NELL2: variants seen among roughly 807,000 people sequenced by gnomAD.
NELL2 encodes protein kinase C-binding protein NELL2.
NELL2 carries 41 observed loss-of-function variants against 109.6 expected under a neutral mutation model. The ratio of observed to expected loss-of-function variants is 0.37; its 90% CI spans 0.29 to 0.49. The LOEUF (loss-of-function observed/expected upper bound fraction) is 0.49. Ranked by LOEUF, NELL2 falls within the 20% of genes least tolerant of loss-of-function variation. The pLI is 0.98. For missense variants in NELL2, 900 were observed against 1,008.3 expected (o/e 0.89, Z 1.45); for synonymous variants, 355 against 344.7 (o/e 1.03, Z -0.33).
intron 1 of NELL2, chr12:44,913,650 G>T (rs552952695): frequency 5.5e-6 from 2 of 365,050 alleles, no homozygotes; most frequent in Non-Finnish European, 1.0e-5. Context: ...TATAAAATTC[G>T]TAAACGTTAA....
rs75294863 is a variant in NELL2 at position 44,808,578 on chromosome 12, A to G, written c.335+7408T>C. On this transcript the variant is annotated intron_variant, in intron 3 of 19. Coordinates refer to ENST00000429094, the MANE Select transcript of NELL2 (RefSeq NM_001145108.2). The stretch of plus-strand genomic sequence containing the variant: ...TTTGAAATTTTAATTTATAAATCCT[A>G]TTATCTTTAAAGTTATTTATTAAAT... Among the ~76,000 whole-genome samples, 961 of 152,080 alleles carry G rather than the reference A, an allele frequency of 6.3e-3. 10 individuals are homozygous for G. Among genetic ancestry groups the G allele is most frequent in the African/African-American group, 0.022 (904 of 41,508 alleles).
chr12:44,912,553 T>C (rs543198512), intron 1 of NELL2, among the ~76,000 whole-genome samples: 4 of 152,242 alleles, frequency 2.6e-5, no homozygotes, highest in African/African-American at 4.8e-5. Context: ...TGTGGGAATG[T>C]ATTCTGGAAA....
At chr12:44,918,513 A>ATG (rs1491464728), upstream of NELL2, among the ~76,000 whole-genome samples, 3,640 of 121,358 alleles carry the variant, frequency 0.03, 84 homozygotes, top group East Asian at 0.089. Flanking sequence ...TCATGCATGC[A>ATG]TGTATGTGTG....
chr12:44,810,247 T>G (rs1260504822), intron 3 of NELL2, among the ~76,000 whole-genome samples: 3 of 152,128 alleles, frequency 2.0e-5, no homozygotes, highest in Non-Finnish European at 4.4e-5. Context: ...TTTGCAAGTT[T>G]AATGCACAAT....
chr12:44,546,727 G>T (rs528526860), intron 15 of NELL2, among the ~76,000 whole-genome samples: 2 of 152,078 alleles, frequency 1.3e-5, no homozygotes, highest in Non-Finnish European at 2.9e-5. Flanking sequence ...CAGATCAGTT[G>T]TACAATCCAA....
At chr12:44,654,873 C>T (rs971666333) in intron 13 of NELL2, among the ~76,000 whole-genome samples, 5 of 152,108 alleles carry the variant, frequency 3.3e-5, no homozygotes, top group African/African-American at 9.7e-5. Context: ...CTCTGCTCCA[C>T]GGAGCACTCA....
At chr12:44,580,302 T>C (rs1944275437) in intron 15 of NELL2, among the ~76,000 whole-genome samples, 1 of 152,100 alleles carries the variant, frequency 6.6e-6, no homozygotes, top group African/African-American at 2.4e-5. Context: ...ATGGTGTCTG[T>C]TGAGATTAAG....
chr12:44,634,207 C>T lies in NELL2; in HGVS notation c.1445-23237G>A, dbSNP rs193233792. ...TAAATACATACTTTAAGTTCTGGGA[C>T]ACATGTGCAGAAGGTGCAGGTTTGT... is the stretch of plus-strand genomic sequence containing the variant. On this transcript the variant is annotated intron_variant, in intron 13 of 19. Coordinates refer to ENST00000429094, the MANE Select transcript of NELL2 (RefSeq NM_001145108.2). Among the ~76,000 whole-genome samples the T allele has an allele frequency of 1.8e-3, 277 of 151,944 alleles. 1 individual carries two copies. Among genetic ancestry groups the T allele is most frequent in the African/African-American group, 6.5e-3 (268 of 41,468 alleles).
intron 17 of NELL2, 134 bp downstream of exon 17, chr12:44,523,157 G>C (rs1266419000): frequency 3.3e-6 from 3 of 897,426 alleles, no homozygotes; most frequent in Non-Finnish European, 5.2e-6. Flanking sequence ...TAATGGAAGT[G>C]TTCTGTTATA....
chr12:44,679,999 T>G (rs189678258), intron 12 of NELL2, among the ~76,000 whole-genome samples: 2 of 152,292 alleles, frequency 1.3e-5, no homozygotes, highest in Non-Finnish European at 2.9e-5. Flanking sequence ...TAAATGATTG[T>G]CTTGTCATGC....
intron 9 of NELL2, among the ~76,000 whole-genome samples, chr12:44,739,837 C>G (rs1939853311): frequency 6.6e-6 from 1 of 152,066 alleles, no homozygotes; most frequent in South Asian, 2.1e-4. Flanking sequence ...CTGCAGTGAG[C>G]CAAGATTGCG....
intron 2 of NELL2, among the ~76,000 whole-genome samples, chr12:44,816,601 A>T (rs1406411140): frequency 6.6e-6 from 1 of 152,136 alleles, no homozygotes; most frequent in African/African-American, 2.4e-5. Flanking sequence ...CACCCTCCAC[A>T]TTGGTTTCTT....
intron 12 of NELL2, among the ~76,000 whole-genome samples, chr12:44,696,092 G>T (rs771098957): frequency 3.9e-5 from 6 of 152,176 alleles, no homozygotes; most frequent in Non-Finnish European, 7.4e-5. Context: ...CTGAAATGCA[G>T]AACAAGAAAG....
chr12:44,609,963 A>G lies in NELL2; in HGVS notation c.1567+885T>C, dbSNP rs372579790. On this transcript the variant is annotated intron_variant, in intron 14 of 19. Transcript: ENST00000429094. ...TGACATTATAAGGGATGTAAATGTT[A>G]TACTATGGGAGTTCACAGTTTCCAA... is the stretch of plus-strand genomic sequence containing the variant. Among the ~76,000 whole-genome samples, 369 of 152,116 alleles carry G rather than the reference A, an allele frequency of 2.4e-3. 2 individuals carry two copies. The highest frequency in any genetic ancestry group is 6.4e-3 in the South Asian group (31 of 4,832).
At position 44,520,027 on chromosome 12, in the gene NELL2, TCAGTGC is replaced by T. The variant is rs1412957714; in HGVS notation, c.2372_2377del (p.Gly791_Thr792del). 1.2e-6 allele frequency: 2 copies of T among 1,614,006 alleles called. No homozygotes were observed. Among genetic ancestry groups the T allele is most frequent in the Non-Finnish European group, 1.7e-6 (2 of 1,180,028 alleles). On this transcript the variant is annotated inframe_deletion, in exon 19 of 20. Transcript: ENST00000429094. ...TACCTTGCACTGGCAGAGAGTACAC[TCAGTGC>T]CATGTTTGATCCAAGAGGACCCGGT...
At chr12:44,519,899 G>GAAA in intron 19 of NELL2, 106 bp downstream of exon 19, 73 of 837,198 alleles carry the variant, frequency 8.7e-5, no homozygotes, top group East Asian at 1.7e-4. Flanking sequence ...AAATAAACAG[G>GAAA]AAAAAAAAAA....
intron 17 of NELL2, 69 bp from the exon 18 acceptor site, chr12:44,522,245 GCA>G: frequency 8.3e-7 from 1 of 1,207,290 alleles, no homozygotes; most frequent in East Asian, 2.5e-5. Context: ...ACACACACAC[GCA>G]CACACATTTC....
chr12:44,686,228 T>C lies in NELL2; in HGVS notation c.1318+17498A>G, dbSNP rs561601005. Among the ~76,000 whole-genome samples the C allele has an allele frequency of 1.2e-4, 19 of 152,332 alleles. No homozygotes were observed. The South Asian group carries it at 3.7e-3, about 30-fold the overall frequency. The stretch of plus-strand genomic sequence containing the variant: ...ACATCGGCTCCTGAGGCGTCTGCAT[T>C]CTTCACGTAGTTCTCGAGCCTTGGT... On this transcript the variant is annotated intron_variant, in intron 12 of 19. Coordinates refer to ENST00000429094, the MANE Select transcript of NELL2 (RefSeq NM_001145108.2).
At position 44,844,729 on chromosome 12, in the gene NELL2, A is replaced by C. The variant is rs1459628093; in HGVS notation, c.185-28593T>G. ...AACAGATGAGCACAAATATAAGTAC[A>C]TAAAATTTTAAAATCCAGTTCAAAA... is the stretch of plus-strand genomic sequence containing the variant. On this transcript the variant is annotated intron_variant, in intron 2 of 19. Transcript: ENST00000429094. 2.0e-5 allele frequency among the ~76,000 whole-genome samples: 3 copies of C among 152,202 alleles called. No individual in the cohort carries two copies. The East Asian group carries it at 5.8e-4, about 29-fold the overall frequency.
Sources: allele counts gnomAD v4.1 joint callset (sites outside exome capture counted in the v4.1 genomes callset), GRCh38; gene constraint gnomAD v4.1.1; transcripts MANE v1.5; gene names NCBI Gene and HGNC (gene_info 2026-07-23, HGNC 2026-07-21).